PCDHGA5: variants seen among roughly 807,000 people sequenced by gnomAD.
PCDHGA5 encodes protocadherin gamma-A5.
PCDHGA5 carries 36 observed loss-of-function variants against 56.7 expected under a neutral mutation model. That is an observed-to-expected ratio of 0.64 (90% CI 0.49 to 0.84). The LOEUF (loss-of-function observed/expected upper bound fraction) is 0.84. PCDHGA5 is among the 40% of genes least tolerant of loss of function. The pLI is 0.00. For missense variants in PCDHGA5, 1,305 were observed against 1,201.5 expected, an observed-to-expected ratio of 1.09 and a Z score of -1.27; for synonymous variants, 563 against 520.2, an observed-to-expected ratio of 1.08 and a Z score of -1.12.
At chr5:141,374,619 C>G in intron 1 of PCDHGA5, 2 of 1,613,466 alleles carry the variant, frequency 1.2e-6, no homozygotes, top group Non-Finnish European at 1.7e-6. Flanking sequence ...AGTCACTTCT[C>G]AGTGGACGTG....
intron 1 of PCDHGA5, chr5:141,393,244 A>C: frequency 6.2e-7 from 1 of 1,613,840 alleles, no homozygotes; most frequent in Non-Finnish European, 8.5e-7. Flanking sequence ...AAAATTAACG[A>C]AATCGCGGTT....
intron 1 of PCDHGA5, among the ~76,000 whole-genome samples, chr5:141,447,851 C>A (rs961725006): frequency 6.6e-6 from 1 of 151,980 alleles, no homozygotes; most frequent in African/African-American, 2.4e-5. Flanking sequence ...TTTGGGAGGC[C>A]GAGGTGGGTG....
At chr5:141,402,491 A>T (rs1186098298) in intron 1 of PCDHGA5, among the ~76,000 whole-genome samples, 1 of 152,242 alleles carries the variant, frequency 6.6e-6, no homozygotes, top group Non-Finnish European at 1.5e-5. Flanking sequence ...TCTACCAAGA[A>T]TAAGAATAAA....
chr5:141,480,914 G>A (rs959577133), intron 1 of PCDHGA5, among the ~76,000 whole-genome samples: 18 of 151,978 alleles, frequency 1.2e-4, no homozygotes, highest in South Asian at 4.2e-4. Flanking sequence ...GCATGGTGGC[G>A]CATACCTGTA....
At chr5:141,419,392 C>A (rs1338481275) in intron 1 of PCDHGA5, 1 of 1,613,612 alleles carries the variant, frequency 6.2e-7, no homozygotes, top group Non-Finnish European at 8.5e-7. Flanking sequence ...GCGCGCAGAG[C>A]GGGGTGGTGT....
intron 1 of PCDHGA5, chr5:141,402,981 G>A (rs375892904): frequency 1.2e-6 from 2 of 1,608,410 alleles, no homozygotes; most frequent in Non-Finnish European, 1.7e-6. Flanking sequence ...TGCCAGCTCC[G>A]CGGAAGATTA....
intron 1 of PCDHGA5, chr5:141,422,129 A>T: frequency 6.3e-7 from 1 of 1,599,702 alleles, no homozygotes; most frequent in East Asian, 2.2e-5. Flanking sequence ...CAAACTGGAG[A>T]AGTTCAAGTA....
Position 141,409,803 on chromosome 5 carries a change from C to G in PCDHGA5, c.2421+43052C>G, listed in dbSNP as rs779815582. The G allele has an allele frequency of 1.4e-5, 23 of 1,611,528 alleles. No homozygotes were observed. The highest frequency in any genetic ancestry group is 7.7e-5 in the South Asian group (7 of 90,886). ...CGCGCCTTCGCGCTCACGCTGCAGG[C>G]CCGCGACCACGGCTCGCCCACGCTC... On this transcript the variant is annotated intron_variant, in intron 1 of 3. Coordinates refer to ENST00000518069, the MANE Select transcript of PCDHGA5 (RefSeq NM_018918.3).
At chr5:141,437,381 C>T (rs2097879875) in intron 1 of PCDHGA5, among the ~76,000 whole-genome samples, 1 of 152,222 alleles carries the variant, frequency 6.6e-6, no homozygotes, top group Non-Finnish European at 1.5e-5. Flanking sequence ...AGTCAGAAGA[C>T]ATTCATCCAC....
chr5:141,458,575 G>A (rs1337776166), intron 1 of PCDHGA5, among the ~76,000 whole-genome samples: 1 of 151,346 alleles, frequency 6.6e-6, no homozygotes, highest in Non-Finnish European at 1.5e-5. Context: ...GTTTTTGTTT[G>A]TTTGTTTGTT....
intron 1 of PCDHGA5, chr5:141,414,344 T>C: frequency 6.2e-7 from 1 of 1,613,882 alleles, no homozygotes; most frequent in Non-Finnish European, 8.5e-7. Flanking sequence ...ACCTGTTCCA[T>C]TTTGGCGTAT....
intron 1 of PCDHGA5, among the ~76,000 whole-genome samples, chr5:141,436,243 TA>T (rs1428637183): frequency 6.6e-6 from 1 of 152,154 alleles, no homozygotes; most frequent in Non-Finnish European, 1.5e-5. Context: ...TAACATGGTC[TA>T]ATTATTCTGA....
chr5:141,469,677 T>C (rs1271778909), intron 1 of PCDHGA5, among the ~76,000 whole-genome samples: 1 of 152,246 alleles, frequency 6.6e-6, no homozygotes, highest in African/African-American at 2.4e-5. Context: ...TAAAACTACA[T>C]ATGCATTGGT....
At chr5:141,502,484 G>A (rs962659219) in intron 2 of PCDHGA5, among the ~76,000 whole-genome samples, 1 of 152,000 alleles carries the variant, frequency 6.6e-6, no homozygotes. Context: ...CATCACACTG[G>A]GACTCATCTA....
In PCDHGA5 at chr5:141,490,745, C is replaced by T. The variant is rs769031787; in HGVS notation, c.2422-4062C>T. 22 of 1,614,120 alleles carry T rather than the reference C, an allele frequency of 1.4e-5. No individual in the cohort carries two copies. Among genetic ancestry groups the T allele is most frequent in the Non-Finnish European group, 1.9e-5 (22 of 1,180,050 alleles). On this transcript the variant is annotated intron_variant, in intron 1 of 3. Transcript: ENST00000518069. The surrounding 1 kb of genome is among the most constrained non-coding windows in gnomAD (Gnocchi z 5.4). Reference sequence around the variant, plus strand: ...GTAGGAAATCAGGTTCAGGGAGCCCCAGCCTCCTCCTTTGTGTATGTCAAC... The same window carrying T: ...GTAGGAAATCAGGTTCAGGGAGCCCTAGCCTCCTCCTTTGTGTATGTCAAC...
intron 1 of PCDHGA5, chr5:141,419,512 G>T (rs754877872): frequency 3.7e-6 from 6 of 1,612,296 alleles, no homozygotes; most frequent in South Asian, 1.1e-5. Context: ...TGCGCGTGTT[G>T]GTGGGCGACC....
chr5:141,445,245 T>C (rs2098460607), intron 1 of PCDHGA5, among the ~76,000 whole-genome samples: 1 of 152,212 alleles, frequency 6.6e-6, no homozygotes, highest in Non-Finnish European at 1.5e-5. Flanking sequence ...TTACACTATA[T>C]TGTGTGAGAA....
intron 1 of PCDHGA5, chr5:141,383,199 G>T (rs574670513): frequency 6.2e-7 from 1 of 1,614,040 alleles, no homozygotes; most frequent in South Asian, 1.1e-5. Flanking sequence ...CTCAGAGTGC[G>T]CGGTGTCTGG....
intron 1 of PCDHGA5, among the ~76,000 whole-genome samples, chr5:141,453,490 G>A (rs921556476): frequency 6.6e-6 from 1 of 151,922 alleles, no homozygotes; most frequent in Admixed American, 6.6e-5. Flanking sequence ...TTAAAAAAAG[G>A]TGTACTCAGA....
Sources: allele counts gnomAD v4.1 joint callset (sites outside exome capture counted in the v4.1 genomes callset), GRCh38; gene constraint gnomAD v4.1.1; non-coding constraint Gnocchi (gnomAD v3.1); transcripts MANE v1.5; gene names NCBI Gene and HGNC (gene_info 2026-07-23, HGNC 2026-07-21).